The following APBA3 variants were observed in gnomAD, a reference collection of about 807,000 sequenced individuals.
APBA3 encodes amyloid beta precursor protein binding family A member 3.
Under a neutral mutation model 55.9 loss-of-function variants are expected in APBA3, and 45 were observed. That is an observed-to-expected ratio of 0.80 (90% confidence interval 0.63 to 1.03). The LOEUF (loss-of-function observed/expected upper bound fraction) is 1.03. Ranked by LOEUF, APBA3 falls within the 50% of genes least tolerant of loss-of-function variation. The pLI is 0.00. For missense variants in APBA3, 865 were observed against 820.3 expected, an observed-to-expected ratio of 1.05 and a Z score of -0.67; for synonymous variants, 370 against 353.3, an observed-to-expected ratio of 1.05 and a Z score of -0.53.
Position 3,750,781 on chromosome 19 carries a change from C to G in APBA3, c.*245G>C. The G allele has an allele frequency of 8.8e-7, 1 of 1,137,942 alleles. No individual in the cohort carries two copies. Among genetic ancestry groups the G allele is most frequent in the Admixed American group, 2.1e-5 (1 of 46,848 alleles). The allele number at this position is 1,137,942 out of a possible 1,614,324, so 70.5% of individuals were successfully genotyped here. ...AACCCACAACCTTACCTCCCTCCGCCTGGTCTTTAATAAACAGAGTATTTT... is the reference window on the plus strand; with the variant it reads ...AACCCACAACCTTACCTCCCTCCGCGTGGTCTTTAATAAACAGAGTATTTT... On this transcript the variant is annotated 3_prime_UTR_variant, in exon 11 of 11. Coordinates refer to ENST00000316757, the MANE Select transcript of APBA3 (RefSeq NM_004886.4).
chr19:3,753,393 A>C, intron 6 of APBA3: 2 of 352,136 alleles, frequency 5.7e-6, no homozygotes, highest in Non-Finnish European at 1.0e-5. Context: ...CTGTAATTGC[A>C]GCACTTTGGG....
rs377361579 is a variant in APBA3, at chr19:3,753,007, C to T, written c.1012-17G>A. 117 of 1,607,542 alleles carry T rather than the reference C, an allele frequency of 7.3e-5. No individual in the cohort carries two copies. The highest frequency in any genetic ancestry group is 9.3e-5 in the African/African-American group (7 of 74,908). On this transcript the variant is annotated splice_polypyrimidine_tract_variant and intron_variant, in intron 6 of 10. Transcript: ENST00000316757. ...GAGCTGGGCCTGCGGGGAGGAGTGG[C>T]GCGTCCCTGGGGTGTCCCACCCACC...
At chr19:3,757,152 AC>A (rs1167863116) in intron 3 of APBA3, among the ~76,000 whole-genome samples, 2 of 151,376 alleles carry the variant, frequency 1.3e-5, no homozygotes, top group African/African-American at 4.9e-5. Flanking sequence ...TCTCACTGTC[AC>A]CCAGGCTGGA....
At chr19:3,759,661 G>A (rs1473670042) in intron 2 of APBA3, 28 bp downstream of exon 2, 1 of 1,609,746 alleles carries the variant, frequency 6.2e-7, no homozygotes, top group Non-Finnish European at 8.5e-7. Context: ...GGCAGTCCAG[G>A]ATGCCTGGAG....
At chr19:3,758,091 T>C (rs1437499668) in intron 3 of APBA3, among the ~76,000 whole-genome samples, 2 of 148,640 alleles carry the variant, frequency 1.3e-5, no homozygotes, top group Non-Finnish European at 3.0e-5. Flanking sequence ...TGCACTACCA[T>C]GCCCGGCTAA....
intron 3 of APBA3, among the ~76,000 whole-genome samples, chr19:3,757,112 G>T (rs1395645722): frequency 1.4e-5 from 2 of 146,904 alleles, no homozygotes; most frequent in South Asian, 2.2e-4. Context: ...CCACAGAACT[G>T]TTTTTTTTTT....
chr19:3,754,312 G>A lies in APBA3; in HGVS notation c.645C>T (p.Leu215=), dbSNP rs1359709864. Residue 215 remains leucine (L), a synonymous_variant, in exon 4 of 11, where the codon CTC becomes CTT. Transcript: ENST00000316757. The stretch of plus-strand genomic sequence containing the variant: ...TGGCCCCAAATATGACACCGTCCAG[G>A]AGGTCTTCATGGTCACAGGGACCAG... ...EVPGPCDHED[L]LDGVIFGARY... 7.7e-6 allele frequency: 12 copies of A among 1,558,974 alleles called. No homozygotes were observed. Among genetic ancestry groups the A allele is most frequent in the Admixed American group, 4.0e-5 (2 of 50,380 alleles).
At chr19:3,751,142 G>T in intron 10 of APBA3, 45 bp from the exon 11 acceptor site, 1 of 1,555,704 alleles carries the variant, frequency 6.4e-7, no homozygotes, top group Non-Finnish European at 8.7e-7. Context: ...GCCTGGGCTC[G>T]TGGGGGACGT....
Position 3,753,834 on chromosome 19 carries a change from C to T in APBA3, c.942G>A (p.Arg314=). 1 of 1,573,766 alleles carries T rather than the reference C, an allele frequency of 6.4e-7. No individual in the cohort carries two copies. Among genetic ancestry groups the T allele is most frequent in the Non-Finnish European group, 8.6e-7 (1 of 1,161,634 alleles). The part of the protein sequence containing the change: ...LVLMARRRLA[R]RPAPQDHGRR... ...GGCCGTGGTCCTGGGGTGCCGGCCT[C>T]CGTGCCAGCCGCCGCCGCGCCATCA... Residue 314 remains arginine (R), a synonymous_variant, in exon 6 of 11, where the codon CGG becomes CGA. Coordinates refer to ENST00000316757, the MANE Select transcript of APBA3 (RefSeq NM_004886.4).
At chr19:3,761,258 G>A (rs78421821) in intron 1 of APBA3, among the ~76,000 whole-genome samples, 1 of 152,132 alleles carries the variant, frequency 6.6e-6, no homozygotes, top group Non-Finnish European at 1.5e-5. Context: ...GTCAGAGGCA[G>A]TTCCCCAAGA....
chr19:3,759,599 C>T lies in APBA3; in HGVS notation c.578G>A (p.Ser193Asn). Reference protein sequence around the residue: ...TPEEPPAGAQSPETLASYPAP... With the variant: ...TPEEPPAGAQNPETLASYPAP... ...AGGGTAGGAAGCCAGGGTCTCGGGG[C>T]TCTGGAAGAAGATAGAGGAGGGGCA... The change falls in exon 3 of 11, where the codon AGC becomes AAC. Residue 193 changes from serine (S) to asparagine (N), a missense_variant and splice_region_variant. Coordinates refer to ENST00000316757, the MANE Select transcript of APBA3 (RefSeq NM_004886.4). 2.5e-6 allele frequency: 4 copies of T among 1,600,304 alleles called. No individual in the cohort carries two copies. The highest frequency in any genetic ancestry group is 3.4e-6 in the Non-Finnish European group (4 of 1,175,050).
chr19:3,759,099 C>T (rs902832225), intron 3 of APBA3, among the ~76,000 whole-genome samples: 1 of 151,536 alleles, frequency 6.6e-6, no homozygotes, highest in Non-Finnish European at 1.5e-5. Flanking sequence ...CGTGGTGGCA[C>T]GCACCTGTAG....
rs747648736 is a variant in APBA3, at chr19:3,751,543, G to A, written c.1406C>T (p.Ser469Leu). Residue 469 changes from serine (S) to leucine (L), a missense_variant, in exon 9 of 11, where the codon TCG becomes TTG. Transcript: ENST00000316757. ...GATGCTGAGTGTCACCGACGTCTGC[G>A]ACTTCGTCTCCTGTGGGGCGGGGGC... The part of the protein sequence containing the change: ...ACQAAVRETK[S>L]QTSVTLSIVH... 3 of 1,590,038 alleles carry A rather than the reference G, an allele frequency of 1.9e-6. No homozygotes were observed. The highest frequency in any genetic ancestry group is 2.3e-5 in the South Asian group (2 of 87,994).
At chr19:3,761,130 G>T (rs1400114763) in intron 1 of APBA3, among the ~76,000 whole-genome samples, 2 of 152,060 alleles carry the variant, frequency 1.3e-5, no homozygotes, top group Non-Finnish European at 2.9e-5. Context: ...TGTCATCCCA[G>T]ACCTCTCTCA....
intron 8 of APBA3, 177 bp from the exon 9 acceptor site, chr19:3,751,730 C>T (rs895105873): frequency 2.3e-5 from 17 of 737,546 alleles, no homozygotes; most frequent in African/African-American, 3.6e-5. Context: ...GGCATGGGGT[C>T]GAAGCTGTCT....
Position 3,753,777 on chromosome 19 carries a change from G to T in APBA3, c.999C>A (p.Phe333Leu). 6.4e-7 allele frequency: 1 copy of T among 1,551,576 alleles called. No individual in the cohort carries two copies. The highest frequency in any genetic ancestry group is 8.7e-7 in the Non-Finnish European group (1 of 1,149,112). Residue 333 changes from phenylalanine (F) to leucine (L), a missense_variant, in exon 6 of 11, where the codon TTC (phenylalanine) becomes TTA (leucine). Coordinates refer to ENST00000316757, the MANE Select transcript of APBA3 (RefSeq NM_004886.4). ...RRLYKMLCHV[F>L]YAEDAQLIAQ... ...CCTGGCTGCTCACGTCCTCCGCGTA[G>T]AATACGTGGCAGAGCATCTTGTAGA...
In APBA3 at chr19:3,760,314, G is replaced by A; in HGVS notation, c.-37-13C>T. 2 of 1,510,092 alleles carry A rather than the reference G, an allele frequency of 1.3e-6. No homozygotes were observed. The highest frequency in any genetic ancestry group is 1.8e-6 in the Non-Finnish European group (2 of 1,132,116). 93.5% of individuals were successfully genotyped at this position (1,510,092 alleles called of 1,614,324 possible). On this transcript the variant is annotated splice_polypyrimidine_tract_variant and intron_variant, in intron 1 of 10. Coordinates refer to ENST00000316757, the MANE Select transcript of APBA3 (RefSeq NM_004886.4). ...CATCTTCAGGCAGCTGAAAGAGAGA[G>A]AGTCAGCACTGAGGTTTCGCCCGGG... is the stretch of plus-strand genomic sequence containing the variant.
chr19:3,753,454 C>G, intron 6 of APBA3: 1 of 378,474 alleles, frequency 2.6e-6, no homozygotes, highest in Non-Finnish European at 4.8e-6. Flanking sequence ...ACCGTGTTCA[C>G]CTGGGCAACA....
chr19:3,761,025 T>C (rs1285529634), intron 1 of APBA3, among the ~76,000 whole-genome samples: 1 of 152,106 alleles, frequency 6.6e-6, no homozygotes, highest in Admixed American at 6.5e-5. Context: ...TAATACCCAC[T>C]AACCCTTGCA....
Sources: allele counts gnomAD v4.1 joint callset (sites outside exome capture counted in the v4.1 genomes callset), GRCh38; gene constraint gnomAD v4.1.1; transcripts MANE v1.5; gene names NCBI Gene and HGNC (gene_info 2026-07-23, HGNC 2026-07-21).